Variants in SLCO5A1 observed in about 807,000 individuals in gnomAD.
SLCO5A1 encodes the protein solute carrier organic anion transporter family member 5A1.
A neutral mutation model predicts 65.1 loss-of-function variants in SLCO5A1; 39 were observed. That is an observed-to-expected ratio of 0.60 (90% CI 0.46 to 0.78). The LOEUF (loss-of-function observed/expected upper bound fraction) is 0.78. Among genes scored for constraint, SLCO5A1 ranks in the 30% least tolerant of loss-of-function variants. The pLI, the probability that SLCO5A1 is intolerant of heterozygous loss-of-function variation, is 0.00. For synonymous variants in SLCO5A1, 438 were observed against 415.7 expected (o/e 1.05, Z -0.65); for missense variants, 1,029 against 1,069.4 (o/e 0.96, Z 0.53).
At chr8:69,827,955 G>A (rs555132299) in intron 2 of SLCO5A1, among the ~76,000 whole-genome samples, 41 of 152,112 alleles carry the variant, frequency 2.7e-4, no homozygotes, top group Non-Finnish European at 4.7e-4. Context: ...CACATCCTGC[G>A]GTTACAGTTG....
intron 2 of SLCO5A1, among the ~76,000 whole-genome samples, chr8:69,828,170 T>C (rs1407864760): frequency 6.6e-6 from 1 of 152,172 alleles, no homozygotes; most frequent in Non-Finnish European, 1.5e-5. Context: ...AGATTTCTGA[T>C]ACTCAAACTA....
In SLCO5A1 at chr8:69,789,904, G is replaced by T. The variant is rs1211209295; in HGVS notation, c.908-28029C>A. On this transcript the variant is annotated intron_variant, in intron 2 of 9. Transcript: ENST00000260126. The stretch of plus-strand genomic sequence containing the variant: ...TACATTTTAAAATAACTAAAAGAGG[G>T]TAATTGGGCCGGGCACGGTGGCTCA... Among the ~76,000 whole-genome samples the T allele has an allele frequency of 1.2e-4, 18 of 152,094 alleles. No individual in the cohort carries two copies. In the South Asian group the frequency reaches 3.5e-3, roughly 30 times the overall value.
intron 2 of SLCO5A1, among the ~76,000 whole-genome samples, chr8:69,784,769 C>G (rs1017659027): frequency 8.9e-6 from 1 of 112,588 alleles, no homozygotes; most frequent in Non-Finnish European, 1.8e-5. Flanking sequence ...GCCTGGGCAA[C>G]AGAGCAAGAC....
intron 2 of SLCO5A1, among the ~76,000 whole-genome samples, chr8:69,816,094 G>A (rs1293672033): frequency 6.6e-6 from 1 of 152,096 alleles, no homozygotes. Context: ...CAAGATATAA[G>A]GAACTCAAGA....
rs536354076 is a variant in SLCO5A1, at chr8:69,761,630, AC to A, written c.1040+112del. On this transcript the variant is annotated intron_variant, in intron 3 of 9. Transcript: ENST00000260126. ...ACCTGCCTGTCACCCCTTCCCAGGC[AC>A]CTTTCAGCTATTTTTTGTCTCCCCA... The A allele has an allele frequency of 3.0e-4, 348 of 1,146,722 alleles. 2 individuals carry two copies. The South Asian group carries it at 4.8e-3, about 16-fold the overall frequency. The allele number at this position is 1,146,722 out of a possible 1,614,324, so 71.0% of individuals were successfully genotyped here. A position where few individuals can be genotyped will look rare whatever the true frequency, so the allele number is the denominator to read the frequency against.
chr8:69,803,440 TG>T (rs1819846982), intron 2 of SLCO5A1, among the ~76,000 whole-genome samples: 1 of 151,954 alleles, frequency 6.6e-6, no homozygotes, highest in Non-Finnish European at 1.5e-5. Flanking sequence ...TAGCCCGGCA[TG>T]GTGCCGGGTT....
chr8:69,751,838 C>A (rs372068907), intron 4 of SLCO5A1, among the ~76,000 whole-genome samples: 1 of 152,200 alleles, frequency 6.6e-6, no homozygotes, highest in Non-Finnish European at 1.5e-5. Flanking sequence ...TAAGCCACTG[C>A]ACCTGGCCAA....
chr8:69,831,329 G>A (rs547438972), intron 2 of SLCO5A1, among the ~76,000 whole-genome samples: 1 of 152,026 alleles, frequency 6.6e-6, no homozygotes, highest in East Asian at 1.9e-4. Flanking sequence ...ATGTAGTCTG[G>A]CCACGCCACC....
intron 2 of SLCO5A1, among the ~76,000 whole-genome samples, chr8:69,824,120 T>C (rs1224460243): frequency 7.2e-5 from 11 of 151,848 alleles, no homozygotes; most frequent in South Asian, 6.3e-4. Flanking sequence ...GGGACACATT[T>C]AAAGCAGTGT....
chr8:69,748,103 A>G (rs546557135), intron 4 of SLCO5A1, among the ~76,000 whole-genome samples: 1 of 152,206 alleles, frequency 6.6e-6, no homozygotes, highest in East Asian at 1.9e-4. Flanking sequence ...ACACCAGCAA[A>G]TGGCATTTGC....
chr8:69,711,445 G>A (rs1280535317), intron 5 of SLCO5A1, among the ~76,000 whole-genome samples: 5 of 152,212 alleles, frequency 3.3e-5, no homozygotes, highest in African/African-American at 7.2e-5. Flanking sequence ...AGAAAAGCAG[G>A]TGGGGAAAAG....
chr8:69,828,256 T>C (rs977113866), intron 2 of SLCO5A1, among the ~76,000 whole-genome samples: 1 of 102,276 alleles, frequency 9.8e-6, no homozygotes, highest in Admixed American at 8.5e-5. Flanking sequence ...TTCTAACGCA[T>C]TCATCATTTT....
intron 2 of SLCO5A1, among the ~76,000 whole-genome samples, chr8:69,787,226 G>C (rs528619472): frequency 1.3e-5 from 2 of 152,310 alleles, no homozygotes; most frequent in South Asian, 4.1e-4. Flanking sequence ...GACCAATCAA[G>C]ATTCAGACCT....
chr8:69,801,437 C>T (rs1343811577), intron 2 of SLCO5A1, among the ~76,000 whole-genome samples: 1 of 152,130 alleles, frequency 6.6e-6, no homozygotes, highest in Non-Finnish European at 1.5e-5. Flanking sequence ...TAGGTTTCAC[C>T]TGTGATGAGA....
At chr8:69,736,413 C>T (rs934783608) in intron 5 of SLCO5A1, among the ~76,000 whole-genome samples, 3 of 152,202 alleles carry the variant, frequency 2.0e-5, no homozygotes, top group Non-Finnish European at 4.4e-5. Context: ...AATGCCTACC[C>T]GGCTCAGCAC....
chr8:69,722,453 TACTTAC>T lies in SLCO5A1; in HGVS notation c.1423+15581_1423+15586del, dbSNP rs542439407. On this transcript the variant is annotated intron_variant, in intron 5 of 9. Transcript: ENST00000260126. The stretch of plus-strand genomic sequence containing the variant: ...ATGTGGAGTACTTCAAGTCTTGAAG[TACTTAC>T]ACTTAATATTATTTAATCTTATGGA... 2.4e-4 allele frequency among the ~76,000 whole-genome samples: 36 copies of T among 152,320 alleles called. No individual in the cohort carries two copies. In the East Asian group the frequency reaches 6.2e-3, roughly 26 times the overall value.
intron 6 of SLCO5A1, among the ~76,000 whole-genome samples, chr8:69,699,172 T>C (rs1814618986): frequency 6.6e-6 from 1 of 152,192 alleles, no homozygotes; most frequent in African/African-American, 2.4e-5. Context: ...TCTACTTAGG[T>C]AACTGCTCCT....
rs768675775 is a variant in SLCO5A1 at position 69,755,514 on chromosome 8, T to G, written c.1168A>C (p.Ser390Arg). The change falls in exon 4 of 10, where the codon AGT becomes CGT. Residue 390 changes from serine (S) to arginine (R), a missense_variant. Ser to Arg is a moderately radical substitution (Grantham distance 110). This residue lies in a region of SLCO5A1 where 647 missense variants were observed against 647.5 expected (regional missense o/e 1.00). Transcript: ENST00000260126. ...TTCTCCTTCAGAACATCGTCATCAC[T>G]AACAGCATCAACAGAAAATTTTTTC... ...KKKKFSVDAV[S>R]DDDVLKEKSN... 2 of 1,614,170 alleles carry G rather than the reference T, an allele frequency of 1.2e-6. No individual in the cohort carries two copies. Among genetic ancestry groups the G allele is most frequent in the South Asian group, 1.1e-5 (1 of 91,082 alleles).
At chr8:69,751,055 C>A (rs1462843585) in intron 4 of SLCO5A1, among the ~76,000 whole-genome samples, 1 of 152,150 alleles carries the variant, frequency 6.6e-6, no homozygotes, top group African/African-American at 2.4e-5. Context: ...CTCTAACAGA[C>A]AAAATCCTAG....
Sources: allele counts gnomAD v4.1 joint callset (sites outside exome capture counted in the v4.1 genomes callset), GRCh38; gene constraint gnomAD v4.1.1; regional missense constraint gnomAD v4.1.1; transcripts MANE v1.5; gene names NCBI Gene and HGNC (gene_info 2026-07-23, HGNC 2026-07-21).